SVEP1: variants seen among roughly 807,000 people sequenced by gnomAD.
SVEP1 encodes the protein sushi, von Willebrand factor type A, EGF and pentraxin domain-containing protein 1.
A neutral mutation model predicts 367.3 loss-of-function variants in SVEP1; 164 were observed. That is an observed-to-expected ratio of 0.45 (90% CI 0.39 to 0.51). The LOEUF is 0.51. SVEP1 is among the 20% of genes least tolerant of loss of function. The pLI is 0.00. For missense variants in SVEP1, 4,117 were observed against 4,425.3 expected, an observed-to-expected ratio of 0.93 and a Z score of 1.98; for synonymous variants, 1,666 against 1,611.6, an observed-to-expected ratio of 1.03 and a Z score of -0.81.
At chr9:110,460,564 C>T (rs1468915739) in intron 18 of SVEP1, among the ~76,000 whole-genome samples, 1 of 152,162 alleles carries the variant, frequency 6.6e-6, no homozygotes, top group South Asian at 2.1e-4. Flanking sequence ...ACTAGCCTGG[C>T]CAAAATGGCG....
At chr9:110,524,143 T>C (rs1829912333) in intron 3 of SVEP1, among the ~76,000 whole-genome samples, 1 of 152,084 alleles carries the variant, frequency 6.6e-6, no homozygotes. Flanking sequence ...GTTAAGAAAA[T>C]TGAATTCATA....
chr9:110,452,512 G>A (rs10980394), intron 22 of SVEP1, among the ~76,000 whole-genome samples: 19,132 of 152,242 alleles, frequency 0.13, 1,570 homozygotes, highest in South Asian at 0.23. Flanking sequence ...AAGAGCATGA[G>A]AAAGAAAATG....
chr9:110,383,410 C>A (rs761814780), intron 43 of SVEP1, among the ~76,000 whole-genome samples: 2 of 152,176 alleles, frequency 1.3e-5, no homozygotes, highest in South Asian at 4.1e-4. Context: ...TACCAGCGGA[C>A]GCTGCAGAAC....
chr9:110,432,445 G>A lies in SVEP1; in HGVS notation c.5233+17C>T. ...GCTAGAATAATCTCATATAGTAGTT[G>A]CCAACATTTATCTCACCAAGGCAGG... is the stretch of plus-strand genomic sequence containing the variant. On this transcript the variant is annotated intron_variant, in intron 31 of 47. Coordinates refer to ENST00000374469, the MANE Select transcript of SVEP1 (RefSeq NM_153366.4). 1 of 1,604,336 alleles carries A rather than the reference G, an allele frequency of 6.2e-7. No individual in the cohort carries two copies. Among genetic ancestry groups the A allele is most frequent in the Non-Finnish European group, 8.5e-7 (1 of 1,175,864 alleles).
chr9:110,518,474 T>C (rs1204089600), intron 3 of SVEP1, among the ~76,000 whole-genome samples: 1 of 151,568 alleles, frequency 6.6e-6, no homozygotes, highest in Non-Finnish European at 1.5e-5. Context: ...TTGTCTCAAA[T>C]CATATATTTT....
chr9:110,451,820 C>A (rs1416989482), intron 22 of SVEP1, among the ~76,000 whole-genome samples: 1 of 152,084 alleles, frequency 6.6e-6, no homozygotes, highest in Non-Finnish European at 1.5e-5. Context: ...GAAAATAACT[C>A]ATTTTCTTCT....
At chr9:110,454,709 C>G (rs1273012821) in intron 22 of SVEP1, among the ~76,000 whole-genome samples, 2 of 152,138 alleles carry the variant, frequency 1.3e-5, no homozygotes, top group Non-Finnish European at 2.9e-5. Flanking sequence ...AAAGCAGGAA[C>G]AGAAAGCCAA....
At chr9:110,556,246 A>G (rs767921682) in intron 1 of SVEP1, among the ~76,000 whole-genome samples, 16 of 152,252 alleles carry the variant, frequency 1.1e-4, no homozygotes, top group African/African-American at 2.6e-4. Context: ...ATCCATCACC[A>G]TTACACAAGA....
At chr9:110,557,129 A>C (rs1830365613) in intron 1 of SVEP1, among the ~76,000 whole-genome samples, 1 of 152,146 alleles carries the variant, frequency 6.6e-6, no homozygotes. Flanking sequence ...TTTATATTTA[A>C]CATTATTTAT....
chr9:110,558,333 CAAAA>C (rs60516091), intron 1 of SVEP1, among the ~76,000 whole-genome samples: 8 of 88,346 alleles, frequency 9.1e-5, no homozygotes, highest in South Asian at 3.8e-4. Context: ...CCTGTCTCTA[CAAAA>C]AAAAAAAAAA....
chr9:110,404,608 T>C (rs376895890), intron 38 of SVEP1, 56 bp from the exon 39 acceptor site: 3 of 1,522,380 alleles, frequency 2.0e-6, no homozygotes, highest in African/African-American at 2.7e-5. Context: ...TAGTTTCTGA[T>C]CTATCCTTGG....
intron 24 of SVEP1, 72 bp downstream of exon 24, chr9:110,449,987 C>A (rs1828666897): frequency 6.5e-7 from 1 of 1,536,176 alleles, no homozygotes; most frequent in Non-Finnish European, 8.9e-7. Flanking sequence ...AGCAATACTC[C>A]ATAAAGGCTG....
At chr9:110,508,128 A>G (rs1829652693) in intron 5 of SVEP1, among the ~76,000 whole-genome samples, 1 of 152,250 alleles carries the variant, frequency 6.6e-6, no homozygotes, top group Admixed American at 6.5e-5. Flanking sequence ...ACATGCCGAA[A>G]AATCCTGCAA....
chr9:110,505,314 C>T (rs961023702), intron 5 of SVEP1, among the ~76,000 whole-genome samples: 3 of 152,128 alleles, frequency 2.0e-5, no homozygotes, highest in Admixed American at 1.3e-4. Context: ...TCATCATGCC[C>T]TCTATTCCTG....
chr9:110,388,245 GGTGA>G (rs1049400864), intron 41 of SVEP1, among the ~76,000 whole-genome samples: 8 of 152,038 alleles, frequency 5.3e-5, no homozygotes, highest in Admixed American at 3.9e-4. Context: ...TTCATAAACT[GGTGA>G]GTATTATAGT....
At chr9:110,520,445 T>C (rs984805650) in intron 3 of SVEP1, among the ~76,000 whole-genome samples, 1 of 152,244 alleles carries the variant, frequency 6.6e-6, no homozygotes, top group Non-Finnish European at 1.5e-5. Context: ...TGTTCTTTTG[T>C]TGTTGTTAAA....
At chr9:110,505,739 C>T (rs1414913385) in intron 5 of SVEP1, among the ~76,000 whole-genome samples, 1 of 151,896 alleles carries the variant, frequency 6.6e-6, no homozygotes, top group East Asian at 1.9e-4. Context: ...ATACCCACAC[C>T]TTAGTGACTT....
intron 40 of SVEP1, among the ~76,000 whole-genome samples, chr9:110,394,511 T>G (rs1281491321): frequency 1.3e-5 from 2 of 152,144 alleles, no homozygotes; most frequent in South Asian, 4.1e-4. Flanking sequence ...AGAATGACTT[T>G]GACGAGTTGA....
At chr9:110,484,326 G>A (rs1213145583) in intron 9 of SVEP1, among the ~76,000 whole-genome samples, 3 of 152,118 alleles carry the variant, frequency 2.0e-5, no homozygotes, top group African/African-American at 4.8e-5. Context: ...GGAAAGGAGA[G>A]AGAGTATGAA....
Sources: allele counts gnomAD v4.1 joint callset (sites outside exome capture counted in the v4.1 genomes callset), GRCh38; gene constraint gnomAD v4.1.1; transcripts MANE v1.5; gene names NCBI Gene and HGNC (gene_info 2026-07-23, HGNC 2026-07-21).